MIA2: variants seen among roughly 807,000 people sequenced by gnomAD.
The protein encoded by MIA2 is MIA SH3 domain ER export factor 2, also known as melanoma inhibitory activity protein 2.
Under a neutral mutation model 167.8 loss-of-function variants are expected in MIA2, and 127 were observed. The observed-to-expected ratio is 0.76, with a 90% confidence interval of 0.66 to 0.88. The LOEUF (loss-of-function observed/expected upper bound fraction) is 0.88. Ranked by LOEUF, MIA2 falls within the 40% of genes least tolerant of loss-of-function variation. The probability of loss-of-function intolerance (pLI) is 0.00; values close to 1 mark genes in which losing one functional copy is unlikely to be tolerated. For missense variants in MIA2, 1,690 were observed against 1,624.7 expected, an observed-to-expected ratio of 1.04 and a Z score of -0.69; for synonymous variants, 552 against 541.9, an observed-to-expected ratio of 1.02 and a Z score of -0.26.
intron 14 of MIA2, 36 bp downstream of exon 14, chr14:39,300,022 C>T: frequency 1.9e-6 from 3 of 1,571,306 alleles, no homozygotes; most frequent in Non-Finnish European, 2.6e-6. Context: ...ATCAAGTTGG[C>T]TAGAATTTTA....
At chr14:39,372,163 A>G (rs113585478) in intron 23 of MIA2, among the ~76,000 whole-genome samples, 1 of 148,148 alleles carries the variant, frequency 6.8e-6, no homozygotes, top group South Asian at 2.1e-4. Context: ...TGTTATAAGA[A>G]TGGAGTACTG....
intron 6 of MIA2, among the ~76,000 whole-genome samples, chr14:39,261,385 A>G (rs902400729): frequency 6.6e-6 from 1 of 152,082 alleles, no homozygotes; most frequent in Non-Finnish European, 1.5e-5. Flanking sequence ...AATCCAGTCT[A>G]TCATTGTTGG....
intron 6 of MIA2, among the ~76,000 whole-genome samples, chr14:39,271,311 T>C (rs1423476855): frequency 6.6e-6 from 1 of 152,222 alleles, no homozygotes; most frequent in Non-Finnish European, 1.5e-5. Context: ...TCTATTTCAT[T>C]GGTCTGTGTC....
chr14:39,273,235 C>CTTTT (rs35613060), intron 6 of MIA2, among the ~76,000 whole-genome samples: 2 of 132,142 alleles, frequency 1.5e-5, no homozygotes, highest in Admixed American at 7.5e-5. Context: ...AGGAGAAAAG[C>CTTTT]TTTTTTTTTT....
chr14:39,338,027 A>G (rs893190743), intron 25 of MIA2, among the ~76,000 whole-genome samples: 3 of 152,146 alleles, frequency 2.0e-5, no homozygotes, highest in African/African-American at 7.2e-5. Context: ...CCGGCCATAT[A>G]TAACATTCTT....
intron 19 of MIA2, 138 bp downstream of exon 19, chr14:39,313,579 T>C (rs1246914135): frequency 2.1e-6 from 1 of 481,860 alleles, no homozygotes; most frequent in East Asian, 3.9e-5. Context: ...AAAAATAATA[T>C]ATTTTTGTCT....
intron 6 of MIA2, among the ~76,000 whole-genome samples, chr14:39,255,261 AC>A (rs2054768673): frequency 6.6e-6 from 1 of 152,222 alleles, no homozygotes; most frequent in Non-Finnish European, 1.5e-5. Context: ...TAATCCCAGC[AC>A]TTTGGGAGGC....
intron 22 of MIA2, among the ~76,000 whole-genome samples, chr14:39,318,250 A>AT (rs2065841313): frequency 6.6e-6 from 1 of 152,054 alleles, no homozygotes; most frequent in Admixed American, 6.6e-5. Context: ...TATAACTAGA[A>AT]TTTTTTTTAA....
intron 9 of MIA2, among the ~76,000 whole-genome samples, chr14:39,286,313 C>A (rs186756477): frequency 6.6e-6 from 1 of 151,988 alleles, no homozygotes; most frequent in Non-Finnish European, 1.5e-5. Context: ...GGTGTGGTGG[C>A]GCGCGCCTGC....
chr14:39,241,334 A>G (rs1267523294), intron 3 of MIA2, among the ~76,000 whole-genome samples: 4 of 152,148 alleles, frequency 2.6e-5, no homozygotes. Context: ...CTAGTTAAAC[A>G]AACTGCCTAT....
At chr14:39,262,690 A>T (rs374008430) in intron 6 of MIA2, among the ~76,000 whole-genome samples, 28 of 152,196 alleles carry the variant, frequency 1.8e-4, no homozygotes, top group Middle Eastern at 3.4e-3. Flanking sequence ...TTTTATTTCA[A>T]TGAGCAGTGG....
At chr14:39,258,662 G>A (rs1271325722) in intron 6 of MIA2, among the ~76,000 whole-genome samples, 2 of 152,150 alleles carry the variant, frequency 1.3e-5, no homozygotes, top group Non-Finnish European at 2.9e-5. Context: ...AGGAGAAGAG[G>A]CATTCTGGTT....
downstream of MIA2, among the ~76,000 whole-genome samples, chr14:39,352,722 G>A (rs918370679): frequency 6.6e-6 from 1 of 152,076 alleles, no homozygotes; most frequent in East Asian, 1.9e-4. Context: ...TTGTTATACT[G>A]TATTTTTAAA....
At chr14:39,327,138 C>T in intron 25 of MIA2, 116 bp downstream of exon 25, 1 of 737,594 alleles carries the variant, frequency 1.4e-6, no homozygotes, top group Non-Finnish European at 2.0e-6. Context: ...AATCATCGTA[C>T]ATTTTTGAAA....
intron 21 of MIA2, among the ~76,000 whole-genome samples, chr14:39,316,020 A>G (rs1430028276): frequency 3.9e-5 from 6 of 152,172 alleles, no homozygotes; most frequent in Non-Finnish European, 8.8e-5. Context: ...ATTGCCACTA[A>G]TTAGTTGTGG....
chr14:39,253,936 A>G (rs2054699736), intron 6 of MIA2, among the ~76,000 whole-genome samples: 1 of 152,200 alleles, frequency 6.6e-6, no homozygotes, highest in African/African-American at 2.4e-5. Flanking sequence ...AAGCACTTTT[A>G]TCTTCTTATT....
At chr14:39,371,046 A>G (rs1430019118) in intron 23 of MIA2, among the ~76,000 whole-genome samples, 2 of 152,112 alleles carry the variant, frequency 1.3e-5, no homozygotes, top group African/African-American at 4.8e-5. Flanking sequence ...CTGAAACTTA[A>G]TCCTCTAACG....
At position 39,299,956 on chromosome 14, in the gene MIA2, A is replaced by G; in HGVS notation, c.2589A>G (p.Gln863=). ...AAGACTCCAAAGTACATGCAGAACA[A>G]GTTCTAAATGATAAAGAAAGTCACA... The part of the protein sequence containing the change: ...TFEDSKVHAE[Q]VLNDKESHIK... Residue 863 remains glutamine, a synonymous_variant, in exon 14 of 29, where the codon CAA becomes CAG. Transcript: ENST00000640607. 1.2e-6 allele frequency: 2 copies of G among 1,606,032 alleles called. No individual in the cohort carries two copies. Among genetic ancestry groups the G allele is most frequent in the Non-Finnish European group, 1.7e-6 (2 of 1,177,510 alleles).
chr14:39,247,679 G>A lies in MIA2; in HGVS notation c.1105G>A (p.Asp369Asn). 6.2e-7 allele frequency: 1 copy of A among 1,611,854 alleles called. No homozygotes were observed. The highest frequency in any genetic ancestry group is 1.1e-5 in the South Asian group (1 of 90,502). Reference sequence around the variant, plus strand: ...AGAAAAAAAAGACACAATCACTAATGATAGCTTGAGTCTCAAGCCAAGTTG... The same window carrying A: ...AGAAAAAAAAGACACAATCACTAATAATAGCTTGAGTCTCAAGCCAAGTTG... The part of the protein sequence containing the change: ...LTEKKDTITN[D>N]SLSLKPSWFD... Residue 369 changes from aspartate to asparagine, a missense_variant, in exon 4 of 29, where the codon GAT becomes AAT. Physicochemically the swap from Asp to Asn is conservative, Grantham distance 23. Transcript: ENST00000640607.
Sources: gnomAD v4.1 joint callset for allele counts (sites outside exome capture counted in the v4.1 genomes callset) on GRCh38, gnomAD v4.1.1 for gene constraint, MANE v1.5 for transcripts, NCBI Gene and HGNC (gene_info 2026-07-23, HGNC 2026-07-21) for gene names.